Variants in DEPDC5 observed in about 807,000 individuals in gnomAD.
DEPDC5 encodes GATOR1 complex protein DEPDC5.
DEPDC5 carries 73 observed loss-of-function variants against 217.3 expected under a neutral mutation model. That is an observed-to-expected ratio of 0.34 (90% CI 0.28 to 0.41). DEPDC5 has a LOEUF of 0.41. Among genes scored for constraint, DEPDC5 ranks in the 10% least tolerant of loss-of-function variants. The probability of loss-of-function intolerance (pLI) is 1.00; values close to 1 mark genes in which losing one functional copy is unlikely to be tolerated. For synonymous variants in DEPDC5, 733 were observed against 756.7 expected (o/e 0.97, Z 0.51); for missense variants, 1,675 against 2,070.1 (o/e 0.81, Z 3.70).
At chr22:31,812,337 CT>C (rs944154725) in intron 20 of DEPDC5, among the ~76,000 whole-genome samples, 1 of 147,522 alleles carries the variant, frequency 6.8e-6, no homozygotes, top group African/African-American at 2.5e-5. Context: ...TGTTGACTTT[CT>C]TTTTTTGTGA....
chr22:31,814,493 A>G (rs2088833456), intron 20 of DEPDC5: 1 of 159,872 alleles, frequency 6.3e-6, no homozygotes, highest in South Asian at 1.8e-4. Flanking sequence ...TGTGTGTGAC[A>G]GTAGAATGTC....
chr22:31,772,378 G>A (rs2083440865), intron 7 of DEPDC5, among the ~76,000 whole-genome samples: 1 of 152,120 alleles, frequency 6.6e-6, no homozygotes. Flanking sequence ...CTACTGGATG[G>A]GTATCCAGGG....
At chr22:31,785,507 A>G (rs900556407) in intron 10 of DEPDC5, among the ~76,000 whole-genome samples, 1 of 152,220 alleles carries the variant, frequency 6.6e-6, no homozygotes, top group Non-Finnish European at 1.5e-5. Flanking sequence ...TCACAGGTTG[A>G]AAGACTTAAT....
At chr22:31,790,925 T>C (rs1378576103) in intron 10 of DEPDC5, among the ~76,000 whole-genome samples, 2 of 151,904 alleles carry the variant, frequency 1.3e-5, no homozygotes, top group African/African-American at 4.8e-5. Flanking sequence ...TTTCCTACTT[T>C]TAGTAGAGAT....
intron 31 of DEPDC5, among the ~76,000 whole-genome samples, chr22:31,855,015 A>G (rs1468446705): frequency 1.3e-5 from 2 of 148,408 alleles, no homozygotes; most frequent in South Asian, 2.1e-4. Flanking sequence ...CCCAGGCTGC[A>G]GTGCTGTGGC....
intron 10 of DEPDC5, among the ~76,000 whole-genome samples, chr22:31,788,538 A>G (rs1259191233): frequency 6.6e-6 from 1 of 150,796 alleles, no homozygotes; most frequent in African/African-American, 2.4e-5. Context: ...TTGGCCTCCC[A>G]ATGTGCTGAG....
At chr22:31,828,452 C>CAAAA (rs35489633) in intron 24 of DEPDC5, among the ~76,000 whole-genome samples, 33 of 73,182 alleles carry the variant, frequency 4.5e-4, no homozygotes, top group African/African-American at 6.2e-4. Flanking sequence ...AACTCCGTCT[C>CAAAA]AAAAAAAAAA....
intron 1 of DEPDC5, among the ~76,000 whole-genome samples, chr22:31,754,511 A>G (rs1013163377): frequency 6.6e-6 from 1 of 152,270 alleles, no homozygotes; most frequent in African/African-American, 2.4e-5. Context: ...CATCTACAAA[A>G]TGAGTGGGCT....
chr22:31,850,008 G>C (rs372620800), intron 31 of DEPDC5, among the ~76,000 whole-genome samples: 14 of 151,452 alleles, frequency 9.2e-5, no homozygotes, highest in African/African-American at 3.2e-4. Flanking sequence ...AATCAAAGCT[G>C]CTTTGGAGGC....
At chr22:31,869,239 G>GGA (rs1416091643) in intron 33 of DEPDC5, among the ~76,000 whole-genome samples, 2 of 146,866 alleles carry the variant, frequency 1.4e-5, no homozygotes, top group Non-Finnish European at 3.0e-5. Flanking sequence ...CCCTGTCTCT[G>GGA]GAAAAAAAAA....
Position 31,837,064 on chromosome 22 carries a change from C to G in DEPDC5, c.2263C>G (p.Leu755Val). Reference protein sequence around the residue: ...KSLTTPACLPLTTDYFPDRQG... With the variant: ...KSLTTPACLPVTTDYFPDRQG... The stretch of plus-strand genomic sequence containing the variant: ...TCTCACTACTCCGGCGTGCCTCCCC[C>G]TTACCACCGACTACTTCCCTGACCG... Residue 755 changes from leucine (L) to valine (V), a missense_variant, in exon 26 of 43, where the codon CTT becomes GTT. By Grantham distance (32) the Leu-to-Val change is conservative. Around this residue, in one of 11 missense-constraint regions of DEPDC5, gnomAD observed 8 missense variants for 30.3 expected, o/e 0.26. Coordinates refer to ENST00000651528, the MANE Select transcript of DEPDC5 (RefSeq NM_001242896.3). 2.5e-6 allele frequency: 4 copies of G among 1,614,218 alleles called. No individual in the cohort carries two copies. Among genetic ancestry groups the G allele is most frequent in the Non-Finnish European group, 3.4e-6 (4 of 1,180,042 alleles).
intron 7 of DEPDC5, among the ~76,000 whole-genome samples, chr22:31,777,738 T>A (rs1569516816): frequency 2.0e-5 from 3 of 152,022 alleles, no homozygotes; most frequent in Admixed American, 1.3e-4. Context: ...CCCCTATTTC[T>A]TTTTGGTTTG....
chr22:31,906,245 C>T lies in DEPDC5; in HGVS notation c.4560C>T (p.Phe1520=), dbSNP rs1384345113. ...FLQLPYSKRK[F]SGQQRRRRNS... is the part of the protein sequence containing the mutation. ...AGCTGCCCTACTCCAAGCGCAAGTT[C>T]TCAGGGCAGCAGCGGCGGCGGCGGA... The change falls in exon 43 of 43, where the codon TTC becomes TTT. Residue 1520 remains phenylalanine, a synonymous_variant. Transcript: ENST00000651528. This position sits in a 1 kb window ranked among gnomAD's most constrained non-coding sequence, Gnocchi z 5.1. The T allele has an allele frequency of 1.2e-6, 2 of 1,613,918 alleles. No homozygotes were observed. The highest frequency in any genetic ancestry group is 2.7e-5 in the African/African-American group (2 of 74,950).
At chr22:31,799,497 T>C (rs2086626696) in intron 14 of DEPDC5, among the ~76,000 whole-genome samples, 1 of 151,362 alleles carries the variant, frequency 6.6e-6, no homozygotes, top group Non-Finnish European at 1.5e-5. Context: ...TTTTTTTTTT[T>C]TCTGGGATGG....
chr22:31,893,591 TC>T lies in DEPDC5; in HGVS notation c.4046del (p.Pro1349GlnfsTer6). The T allele has an allele frequency of 6.2e-7, 1 of 1,607,126 alleles. No individual in the cohort carries two copies. Among genetic ancestry groups the T allele is most frequent in the Non-Finnish European group, 8.5e-7 (1 of 1,177,090 alleles). ...SQAAALLAAT[V>X]PEQRTVTLDV... is the part of the protein sequence containing the mutation. The stretch of plus-strand genomic sequence containing the variant: ...CTGTGTGCTGACATAGCTGCCACTG[TC>T]CCAGAGCAGAGGACTGTGACCCTGG... On this transcript the variant is annotated frameshift_variant, in exon 39 of 43. Coordinates refer to ENST00000651528, the MANE Select transcript of DEPDC5 (RefSeq NM_001242896.3). LOFTEE classifies it high-confidence loss of function.
rs771741873 is a variant in DEPDC5 at position 31,857,543 on chromosome 22, G to A, written c.3254G>A (p.Ser1085Asn). ...GCCATGACTCCCACCTACATGGACA[G>A]CCCACGAAAGGTAAAGGAAGCCGCG... ...SVAMTPTYMD[S>N]PRKDGAFFME... The change falls in exon 32 of 43, where the codon AGC becomes AAC. Residue 1085 changes from serine to asparagine, a missense_variant. Around this residue, in one of 11 missense-constraint regions of DEPDC5, gnomAD observed 126 missense variants for 113.8 expected, o/e 1.11. Transcript: ENST00000651528. The A allele has an allele frequency of 6.2e-7, 1 of 1,610,644 alleles. No homozygotes were observed. Among genetic ancestry groups the A allele is most frequent in the Non-Finnish European group, 8.5e-7 (1 of 1,178,512 alleles).
intron 4 of DEPDC5, among the ~76,000 whole-genome samples, chr22:31,763,648 G>A (rs2082587755): frequency 6.6e-6 from 1 of 151,278 alleles, no homozygotes; most frequent in Non-Finnish European, 1.5e-5. Context: ...TGCTCAGGCT[G>A]GTCTTGAACT....
intron 40 of DEPDC5, among the ~76,000 whole-genome samples, chr22:31,900,356 A>G (rs2093627146): frequency 6.6e-6 from 1 of 151,822 alleles, no homozygotes; most frequent in Non-Finnish European, 1.5e-5. Context: ...CCAAATTTTT[A>G]TTTTTATATT....
intron 30 of DEPDC5, among the ~76,000 whole-genome samples, chr22:31,846,184 CTG>C (rs1282552795): frequency 6.6e-6 from 1 of 152,164 alleles, no homozygotes; most frequent in Non-Finnish European, 1.5e-5. Context: ...TTCCTTATCA[CTG>C]TACTTTTGTC....
Sources: gnomAD v4.1 joint callset for allele counts (sites outside exome capture counted in the v4.1 genomes callset) on GRCh38, gnomAD v4.1.1 for gene constraint, gnomAD v4.1.1 regional missense constraint, Gnocchi (gnomAD v3.1) non-coding constraint, MANE v1.5 for transcripts, NCBI Gene and HGNC (gene_info 2026-07-23, HGNC 2026-07-21) for gene names.